Variants in RCC1 observed in about 807,000 individuals in gnomAD.
RCC1 encodes the protein regulator of chromosome condensation 1.
A neutral mutation model predicts 44.4 loss-of-function variants in RCC1; 11 were observed. The ratio of observed to expected loss-of-function variants is 0.25; its 90% CI spans 0.16 to 0.41. The LOEUF (loss-of-function observed/expected upper bound fraction) is 0.41. Ranked by LOEUF, RCC1 falls within the 10% of genes least tolerant of loss-of-function variation. The pLI is 1.00. For missense variants in RCC1, 386 were observed against 547.1 expected (o/e 0.71, Z 2.94); for synonymous variants, 213 against 216.5 (o/e 0.98, Z 0.14).
chr1:28,508,080 A>G, intron 1 of RCC1, 48 bp from the exon 2 acceptor site: 1 of 420,082 alleles, frequency 2.4e-6, no homozygotes, highest in African/African-American at 2.0e-5. Flanking sequence ...CCTCGTTGAA[A>G]AAGTTTAGGG....
intron 5 of RCC1, among the ~76,000 whole-genome samples, chr1:28,531,296 A>C (rs1570213389): frequency 7.7e-6 from 1 of 129,224 alleles, no homozygotes; most frequent in African/African-American, 3.1e-5. Context: ...ATCAAGTATC[A>C]CTCTGTCGCC....
chr1:28,537,566 A>T (rs574956430), intron 12 of RCC1, among the ~76,000 whole-genome samples: 1 of 152,332 alleles, frequency 6.6e-6, no homozygotes, highest in South Asian at 2.1e-4. Context: ...GGTCCTGGGA[A>T]CAGAGGGTGG....
chr1:28,512,461 G>A (rs183191175), intron 3 of RCC1, among the ~76,000 whole-genome samples: 5 of 152,266 alleles, frequency 3.3e-5, no homozygotes, highest in Middle Eastern at 3.4e-3. Flanking sequence ...CTGCCATATA[G>A]CAAGCACTGG....
chr1:28,533,956 C>T (rs1002648115), intron 7 of RCC1, among the ~76,000 whole-genome samples: 1 of 131,900 alleles, frequency 7.6e-6, no homozygotes, highest in African/African-American at 2.8e-5. Flanking sequence ...CGGCTCAGTG[C>T]AACCTCTGCC....
At chr1:28,533,845 C>CTTTTCTTTTTTTTTTTTTTTTTTTTT (rs1664357038) in intron 7 of RCC1, among the ~76,000 whole-genome samples, 1 of 46,870 alleles carries the variant, frequency 2.1e-5, no homozygotes, top group African/African-American at 8.1e-5. Flanking sequence ...CTTTTCTTTT[C>CTTTTCTTTTTTTTTTTTTTTTTTTTT]TTTTTTTTTT....
rs370183948 is a variant in RCC1 at position 28,516,428 on chromosome 1, C to T, written c.-152-297C>T. On this transcript the variant is annotated intron_variant, in intron 3 of 12. Coordinates refer to ENST00000683442, the MANE Select transcript of RCC1 (RefSeq NM_001381865.2). The stretch of plus-strand genomic sequence containing the variant: ...CTGGGAGGCTGAGGCAGGAGAATTG[C>T]TTGAACCTGGCTGCAGTGAGCCGAG... 2.0e-5 allele frequency among the ~76,000 whole-genome samples: 3 copies of T among 150,810 alleles called. No homozygotes were observed. The East Asian group carries it at 5.9e-4, about 30-fold the overall frequency.
intron 3 of RCC1, chr1:28,510,581 T>G (rs913719298): frequency 3.3e-5 from 5 of 152,182 alleles, no homozygotes; most frequent in African/African-American, 1.2e-4. Context: ...TCCAGCCTGG[T>G]GACAGAGTTA....
intron 2 of RCC1, 114 bp downstream of exon 2, chr1:28,508,274 C>A: frequency 2.8e-6 from 1 of 360,166 alleles, no homozygotes; most frequent in Non-Finnish European, 5.6e-6. Context: ...ACCTCTGAGG[C>A]ATTTAATCAT....
intron 4 of RCC1, among the ~76,000 whole-genome samples, chr1:28,520,887 G>C (rs993315390): frequency 6.6e-6 from 1 of 152,096 alleles, no homozygotes; most frequent in African/African-American, 2.4e-5. Flanking sequence ...AGACCAGCCT[G>C]GCCGACATGG....
rs947242052 is a variant in RCC1, at chr1:28,508,906, G to A, written c.-153+1G>A. The A allele has an allele frequency of 5.9e-6, 3 of 512,080 alleles. No individual in the cohort carries two copies. Among genetic ancestry groups the A allele is most frequent in the South Asian group, 2.8e-5 (2 of 70,780 alleles). The allele number at this position is 512,080 out of a possible 1,614,324, so 31.7% of individuals were successfully genotyped here. A position where few individuals can be genotyped will look rare whatever the true frequency, so the allele number is the denominator to read the frequency against. ...GTCCTTTATATAGAAGGGAGAGTAGGTAAACTGATTTTTTTTTTTAACAGG... is the reference window on the plus strand; with the variant it reads ...GTCCTTTATATAGAAGGGAGAGTAGATAAACTGATTTTTTTTTTTAACAGG... On this transcript the variant is annotated splice_donor_variant, in intron 3 of 12. Transcript: ENST00000683442. LOFTEE classifies it low-confidence loss of function (5UTR_SPLICE).
Position 28,529,518 on chromosome 1 carries a change from T to C in RCC1, c.-9-340T>C, listed in dbSNP as rs920112771. On this transcript the variant is annotated intron_variant, in intron 4 of 12. Coordinates refer to ENST00000683442, the MANE Select transcript of RCC1 (RefSeq NM_001381865.2). ...TCATTCTGCTTGTTTTACTTGGCAA[T>C]GGGGAACATCTTTCTATTCAATAGA... is the stretch of plus-strand genomic sequence containing the variant. Among the ~76,000 whole-genome samples the C allele has an allele frequency of 5.3e-5, 8 of 151,956 alleles. No individual in the cohort carries two copies. In the Admixed American group the frequency reaches 5.3e-4, roughly 10 times the overall value.
intron 3 of RCC1, chr1:28,509,864 G>C (rs1016277664): frequency 6.6e-6 from 1 of 152,178 alleles, no homozygotes; most frequent in Non-Finnish European, 1.5e-5. Context: ...GAGTTAGACC[G>C]ATTCTTTAGC....
chr1:28,509,866 T>A (rs1019819781), intron 3 of RCC1: 2 of 152,186 alleles, frequency 1.3e-5, no homozygotes, highest in African/African-American at 4.8e-5. Context: ...GTTAGACCGA[T>A]TCTTTAGCTT....
In RCC1 at chr1:28,507,600, CTTTTTTTTTTTT is replaced by C. The variant is rs34452349; in HGVS notation, c.-261-518_-261-507del. On this transcript the variant is annotated intron_variant, in intron 1 of 12. Transcript: ENST00000683442. ...TAGAGCACTGAATCTGGATTGAAGT[CTTTTTTTTTTTT>C]TTTTTTTTTGGAGATGGAGTCGCTC... 8.2e-4 allele frequency: 286 copies of C among 348,070 alleles called. 10 individuals are homozygous for C. The East Asian group carries it at 0.019, about 23-fold the overall frequency. 21.6% of individuals were successfully genotyped at this position (348,070 alleles called of 1,614,324 possible).
At chr1:28,507,408 T>TC (rs780419704) in intron 1 of RCC1, 1 of 519,090 alleles carries the variant, frequency 1.9e-6, no homozygotes, top group East Asian at 5.4e-5. Flanking sequence ...CCGGGCTCTG[T>TC]CCAAGTGGCG....
Position 28,536,686 on chromosome 1 carries a change from C to A in RCC1, c.938-61C>A, listed in dbSNP as rs1664575149. The stretch of plus-strand genomic sequence containing the variant: ...TGGACAGGTGGACTCACCTAGCCTG[C>A]CACCCATTTTGCCTGTAGCACGCCC... On this transcript the variant is annotated intron_variant, in intron 11 of 12. Coordinates refer to ENST00000683442, the MANE Select transcript of RCC1 (RefSeq NM_001381865.2). This position sits in a 1 kb window ranked among gnomAD's most constrained non-coding sequence, Gnocchi z 4.9. The A allele has an allele frequency of 1.9e-6, 3 of 1,582,734 alleles. No homozygotes were observed. Among genetic ancestry groups the A allele is most frequent in the Non-Finnish European group, 2.6e-6 (3 of 1,160,138 alleles).
intron 3 of RCC1, among the ~76,000 whole-genome samples, chr1:28,514,306 CG>C: frequency 6.6e-6 from 1 of 151,878 alleles, no homozygotes; most frequent in East Asian, 1.9e-4. Flanking sequence ...AAAAATTAGC[CG>C]GGCGTGGTGG....
chr1:28,522,240 G>A (rs1000939459), intron 4 of RCC1, among the ~76,000 whole-genome samples: 4 of 152,182 alleles, frequency 2.6e-5, no homozygotes, highest in Admixed American at 6.6e-5. Context: ...TTCTTCCAGT[G>A]GGATAAGGGA....
rs762110481 is a variant in RCC1, at chr1:28,535,166, C to A, written c.538+20C>A. On this transcript the variant is annotated intron_variant, in intron 8 of 12. Coordinates refer to ENST00000683442, the MANE Select transcript of RCC1 (RefSeq NM_001381865.2). The stretch of plus-strand genomic sequence containing the variant: ...CCTCAGGTGGGTCTGGGGGCACTTG[C>A]TCAGGGCAGGAGTTGGAGGACCTTG... The A allele has an allele frequency of 6.2e-7, 1 of 1,613,900 alleles. No individual in the cohort carries two copies. The highest frequency in any genetic ancestry group is 8.5e-7 in the Non-Finnish European group (1 of 1,179,874).
Sources: allele counts gnomAD v4.1 joint callset (sites outside exome capture counted in the v4.1 genomes callset), GRCh38; gene constraint gnomAD v4.1.1; non-coding constraint Gnocchi (gnomAD v3.1); transcripts MANE v1.5; gene names NCBI Gene and HGNC (gene_info 2026-07-23, HGNC 2026-07-21).